MALRD1: variants seen among roughly 807,000 people sequenced by gnomAD.
MALRD1 encodes MAM and LDL receptor class A domain containing 1, also known as MAM and LDL-receptor class A domain-containing protein 1.
In MALRD1, 247 loss-of-function variants were observed where a neutral mutation model predicts 242.1. The observed-to-expected ratio is 1.02, with a 90% confidence interval of 0.92 to 1.13. The LOEUF (loss-of-function observed/expected upper bound fraction) is 1.13. MALRD1 is among the 50% of genes most tolerant of loss of function. MALRD1 has a pLI of 0.00. For synonymous variants in MALRD1, 995 were observed against 866.6 expected (o/e 1.15, Z -2.60); for missense variants, 2,989 against 2,533.1 (o/e 1.18, Z -3.86).
intron 24 of MALRD1, among the ~76,000 whole-genome samples, chr10:19,341,533 T>C (rs1008338456): frequency 1.4e-5 from 2 of 145,458 alleles, no homozygotes; most frequent in Non-Finnish European, 3.0e-5. Context: ...TGTATATATA[T>C]ACACACATAT....
intron 14 of MALRD1, among the ~76,000 whole-genome samples, chr10:19,178,398 A>C (rs1835349241): frequency 6.6e-6 from 1 of 152,210 alleles, no homozygotes; most frequent in Admixed American, 6.5e-5. Flanking sequence ...GAATATTTAA[A>C]AACGTGCCAT....
At chr10:19,574,357 G>C (rs531947788) in intron 33 of MALRD1, among the ~76,000 whole-genome samples, 10 of 152,280 alleles carry the variant, frequency 6.6e-5, no homozygotes, top group African/African-American at 1.9e-4. Flanking sequence ...AGAGAAATAT[G>C]TTGAATGAAG....
At chr10:19,708,889 C>T (rs1833984701) in intron 38 of MALRD1, among the ~76,000 whole-genome samples, 1 of 121,686 alleles carries the variant, frequency 8.2e-6, no homozygotes, top group Admixed American at 9.1e-5. Context: ...CTTGGAACTC[C>T]TGACTTCAGG....
At chr10:19,674,515 C>G (rs1478658819) in intron 36 of MALRD1, among the ~76,000 whole-genome samples, 1 of 152,136 alleles carries the variant, frequency 6.6e-6, no homozygotes, top group African/African-American at 2.4e-5. Context: ...TCCTTCCTTC[C>G]AGAGCCCAGC....
intron 36 of MALRD1, among the ~76,000 whole-genome samples, chr10:19,626,425 A>C (rs186315925): frequency 6.6e-6 from 1 of 152,114 alleles, no homozygotes. Context: ...AGAAGAAACA[A>C]ATATTTTTGC....
rs755083688 is a variant in MALRD1, at chr10:19,579,715, T to G, written c.5680+12012T>G. ...GAGTCTGAATCAGGTGTCAGTTTGT[T>G]GAATACCAACCAAAAACGGTAGACT... On this transcript the variant is annotated intron_variant, in intron 33 of 39. Coordinates refer to ENST00000454679, the MANE Select transcript of MALRD1 (RefSeq NM_001142308.3). Among the ~76,000 whole-genome samples the G allele has an allele frequency of 5.3e-5, 8 of 152,280 alleles. No homozygotes were observed. In the South Asian group the frequency reaches 6.2e-4, roughly 12 times the overall value.
At chr10:19,530,386 A>ATAAC (rs1834319990) in intron 31 of MALRD1, among the ~76,000 whole-genome samples, 1 of 70,956 alleles carries the variant, frequency 1.4e-5, no homozygotes, top group Non-Finnish European at 2.2e-5. Context: ...TAAATATTAT[A>ATAAC]TATTTATATA....
At chr10:19,516,402 T>C (rs988881233) in intron 31 of MALRD1, among the ~76,000 whole-genome samples, 1 of 152,170 alleles carries the variant, frequency 6.6e-6, no homozygotes, top group Non-Finnish European at 1.5e-5. Context: ...CAAAAATATA[T>C]ACAGAGAAAC....
intron 29 of MALRD1, among the ~76,000 whole-genome samples, chr10:19,474,936 A>G (rs934900807): frequency 6.6e-6 from 1 of 152,186 alleles, no homozygotes; most frequent in Non-Finnish European, 1.5e-5. Context: ...TTAAATGCCA[A>G]ACAAGTACTG....
At chr10:19,227,194 A>C (rs527767883) in intron 18 of MALRD1, among the ~76,000 whole-genome samples, 1 of 152,112 alleles carries the variant, frequency 6.6e-6, no homozygotes, top group African/African-American at 2.4e-5. Context: ...TAGCCAGAGC[A>C]TGTTTTAGAA....
chr10:19,688,762 G>C (rs1041802577), intron 36 of MALRD1, among the ~76,000 whole-genome samples: 2 of 152,344 alleles, frequency 1.3e-5, no homozygotes, highest in African/African-American at 4.8e-5. Context: ...GATTAACGCT[G>C]TTCTCAGCGT....
chr10:19,725,238 A>C (rs1219319806), intron 38 of MALRD1, among the ~76,000 whole-genome samples: 2 of 151,954 alleles, frequency 1.3e-5, no homozygotes, highest in Non-Finnish European at 2.9e-5. Context: ...CGTGGGAGGG[A>C]CCTAGTGGGA....
chr10:19,618,996 C>T (rs1317430918), intron 36 of MALRD1, among the ~76,000 whole-genome samples: 2 of 151,834 alleles, frequency 1.3e-5, no homozygotes, highest in Non-Finnish European at 2.9e-5. Context: ...CTGTAGACTT[C>T]GAATACAGCT....
intron 33 of MALRD1, among the ~76,000 whole-genome samples, chr10:19,577,919 G>A (rs893804928): frequency 2.6e-5 from 4 of 152,078 alleles, no homozygotes; most frequent in African/African-American, 9.7e-5. Context: ...ACCAGGCCAA[G>A]TATGTCAGAG....
chr10:19,717,993 A>C (rs1337699838), intron 38 of MALRD1, among the ~76,000 whole-genome samples: 1 of 149,102 alleles, frequency 6.7e-6, no homozygotes, highest in Non-Finnish European at 1.5e-5. Flanking sequence ...CTCCAGAGAG[A>C]TTCTACCTAA....
chr10:19,349,857 A>G (rs949625969), intron 25 of MALRD1, among the ~76,000 whole-genome samples: 3 of 152,118 alleles, frequency 2.0e-5, no homozygotes, highest in African/African-American at 7.2e-5. Flanking sequence ...TTATTTTTTC[A>G]TACTGTAGTA....
chr10:19,372,167 G>A (rs1845408009), intron 26 of MALRD1, among the ~76,000 whole-genome samples: 1 of 151,988 alleles, frequency 6.6e-6, no homozygotes, highest in Non-Finnish European at 1.5e-5. Context: ...CATACTATAT[G>A]ACTTAATTGC....
At chr10:19,439,762 A>AT in intron 28 of MALRD1, among the ~76,000 whole-genome samples, 1 of 151,872 alleles carries the variant, frequency 6.6e-6, no homozygotes, top group East Asian at 1.9e-4. Flanking sequence ...AATGTGTCAT[A>AT]TTTTTCACTT....
chr10:19,649,049 G>A (rs1223984345), intron 36 of MALRD1, among the ~76,000 whole-genome samples: 3 of 152,148 alleles, frequency 2.0e-5, no homozygotes, highest in Non-Finnish European at 4.4e-5. Context: ...CTCCATCCAC[G>A]ATCCCACAAA....
Sources: allele counts gnomAD v4.1 joint callset (sites outside exome capture counted in the v4.1 genomes callset), GRCh38; gene constraint gnomAD v4.1.1; transcripts MANE v1.5; gene names NCBI Gene and HGNC (gene_info 2026-07-23, HGNC 2026-07-21).